Variants in RABGAP1 observed in about 807,000 individuals in gnomAD.
RABGAP1 encodes rab GTPase-activating protein 1.
Under a neutral mutation model 137.6 loss-of-function variants are expected in RABGAP1, and 23 were observed. The ratio of observed to expected loss-of-function variants is 0.17; its 90% CI spans 0.12 to 0.24. The LOEUF is 0.24. Among genes scored for constraint, RABGAP1 ranks in the 10% least tolerant of loss-of-function variants. The pLI is 1.00. For missense variants in RABGAP1, 906 were observed against 1,275.8 expected (o/e 0.71, Z 4.42); for synonymous variants, 451 against 450.7 (o/e 1.00, Z -0.01).
chr9:122,967,967 A>G (rs1588184316), intron 2 of RABGAP1, among the ~76,000 whole-genome samples: 1 of 151,996 alleles, frequency 6.6e-6, no homozygotes, highest in Non-Finnish European at 1.5e-5. Flanking sequence ...ACCTCAGGTG[A>G]TCTACCCGCC....
Position 123,074,383 on chromosome 9 carries a change from C to T in RABGAP1, c.2208C>T (p.Phe736=), listed in dbSNP as rs779584114. The T allele has an allele frequency of 2.9e-5, 47 of 1,613,244 alleles. No homozygotes were observed. Among genetic ancestry groups the T allele is most frequent in the Admixed American group, 2.2e-4 (13 of 59,984 alleles). The stretch of plus-strand genomic sequence containing the variant: ...TTCTTACTCTTTTCACTGCAAAATT[C>T]CCTCTCTACATGGTCTTCCATATCA... ...QWFLTLFTAK[F]PLYMVFHIID... is the part of the protein sequence containing the mutation. The change falls in exon 17 of 26, where the codon TTC becomes TTT. Residue 736 remains phenylalanine, a synonymous_variant. Coordinates refer to ENST00000373647, the MANE Select transcript of RABGAP1 (RefSeq NM_012197.4).
At chr9:123,100,809 GAA>G (rs1282409541) in intron 24 of RABGAP1, among the ~76,000 whole-genome samples, 1 of 152,246 alleles carries the variant, frequency 6.6e-6, no homozygotes, top group African/African-American at 2.4e-5. Flanking sequence ...GTAAATAAGG[GAA>G]AAAAGCCCTT....
chr9:122,966,869 A>G lies in RABGAP1; in HGVS notation c.150+9660A>G, dbSNP rs376259505. 1.2e-3 allele frequency among the ~76,000 whole-genome samples: 185 copies of G among 152,348 alleles called. 5 individuals are homozygous for G. The South Asian group carries it at 0.036, about 30-fold the overall frequency. On this transcript the variant is annotated intron_variant, in intron 2 of 25. Coordinates refer to ENST00000373647, the MANE Select transcript of RABGAP1 (RefSeq NM_012197.4). Reference sequence around the variant, plus strand: ...ATGTCTTACATGGATGGAAGCAGGCAAGAGAAGAGAGAGATTGTGCAGGAA... The same window carrying G: ...ATGTCTTACATGGATGGAAGCAGGCGAGAGAAGAGAGAGATTGTGCAGGAA...
chr9:122,933,608 A>G, the RABGAP1 span, among the ~76,000 whole-genome samples: 1 of 151,742 alleles, frequency 6.6e-6, no homozygotes, highest in Admixed American at 6.6e-5. Flanking sequence ...GCCTGCCACC[A>G]TGCCCAGCTA....
chr9:122,993,312 C>G (rs1415719604), intron 6 of RABGAP1, among the ~76,000 whole-genome samples: 1 of 152,068 alleles, frequency 6.6e-6, no homozygotes, highest in Non-Finnish European at 1.5e-5. Flanking sequence ...CCTCTTGTCA[C>G]TCAGGCTGGA....
intron 20 of RABGAP1, 25 bp from the exon 21 acceptor site, chr9:123,090,250 T>C: frequency 6.4e-7 from 1 of 1,555,880 alleles, no homozygotes; most frequent in Non-Finnish European, 8.8e-7. Context: ...TATGTGTCTG[T>C]AACTGGTTTC....
At chr9:123,097,666 G>A in intron 21 of RABGAP1, 75 bp from the exon 22 acceptor site, 1 of 1,251,952 alleles carries the variant, frequency 8.0e-7, no homozygotes, top group Non-Finnish European at 1.1e-6. Context: ...TCTTAAAATG[G>A]GATTATGCTA....
intron 21 of RABGAP1, 111 bp downstream of exon 21, chr9:123,090,496 C>T (rs2035002901): frequency 2.4e-6 from 2 of 821,456 alleles, no homozygotes; most frequent in Admixed American, 6.4e-5. Flanking sequence ...GTAAAGTTTC[C>T]CGCTTGTGAT....
chr9:123,094,184 T>C (rs1463513954), intron 21 of RABGAP1, among the ~76,000 whole-genome samples: 1 of 152,188 alleles, frequency 6.6e-6, no homozygotes, highest in Non-Finnish European at 1.5e-5. Context: ...TACAATCATA[T>C]CATCTCTGAA....
At chr9:122,967,554 C>G (rs1439847860) in intron 2 of RABGAP1, among the ~76,000 whole-genome samples, 2 of 152,140 alleles carry the variant, frequency 1.3e-5, no homozygotes, top group African/African-American at 4.8e-5. Flanking sequence ...AGTAAATATG[C>G]AAGTAAATCC....
rs1336939079 is a variant in RABGAP1 at position 123,089,769 on chromosome 9, G to A, written c.2436G>A (p.Lys812=). 6.2e-7 allele frequency: 1 copy of A among 1,612,608 alleles called. No individual in the cohort carries two copies. Among genetic ancestry groups the A allele is most frequent in the African/African-American group, 1.3e-5 (1 of 74,832 alleles). ...ELACNMKISQ[K]KLKKYEKEYH... The stretch of plus-strand genomic sequence containing the variant: ...GATTTATCCTACAGATTAGTCAGAA[G>A]AAGTTGAAAAAATACGAGAAAGAAT... Residue 812 remains lysine, a synonymous_variant, in exon 20 of 26, where the codon AAG becomes AAA. Transcript: ENST00000373647.
At chr9:123,099,249 C>T (rs557695245) in intron 23 of RABGAP1, among the ~76,000 whole-genome samples, 167 of 152,252 alleles carry the variant, frequency 1.1e-3, no homozygotes, top group Admixed American at 2.7e-3. Context: ...AACCATTGGC[C>T]ATTGAGTGTG....
intron 11 of RABGAP1, among the ~76,000 whole-genome samples, chr9:123,011,475 ACTTT>A (rs201853671): frequency 0.016 from 2,463 of 152,266 alleles, 65 homozygotes; most frequent in African/African-American, 0.057. Flanking sequence ...GTGAGCACTG[ACTTT>A]CTTCATGTTT....
chr9:123,060,158 TTACA>T (rs1318774607), intron 13 of RABGAP1, among the ~76,000 whole-genome samples: 1 of 152,206 alleles, frequency 6.6e-6, no homozygotes, highest in African/African-American at 2.4e-5. Context: ...GTAGTATAAT[TTACA>T]TACAATAAAC....
chr9:123,027,455 A>G (rs1255761502), intron 13 of RABGAP1, among the ~76,000 whole-genome samples: 1 of 152,224 alleles, frequency 6.6e-6, no homozygotes, highest in East Asian at 1.9e-4. Context: ...GAATCCCTGG[A>G]GGCCCAGCCA....
chr9:123,103,382 C>A lies in RABGAP1; in HGVS notation c.*169C>A. The A allele has an allele frequency of 9.8e-7, 1 of 1,019,694 alleles. No homozygotes were observed. Among genetic ancestry groups the A allele is most frequent in the Non-Finnish European group, 1.4e-6 (1 of 719,332 alleles). 63.2% of individuals were successfully genotyped at this position (1,019,694 alleles called of 1,614,324 possible). A position where few individuals can be genotyped will look rare whatever the true frequency, so the allele number is the denominator to read the frequency against. ...CCAGAGCTTGTGAAGCAGGCAACCT[C>A]TGGGGTAAGACTACTGATACTAACA... is the stretch of plus-strand genomic sequence containing the variant. On this transcript the variant is annotated 3_prime_UTR_variant, in exon 26 of 26. Coordinates refer to ENST00000373647, the MANE Select transcript of RABGAP1 (RefSeq NM_012197.4).
chr9:123,058,706 A>G (rs2033847965), intron 13 of RABGAP1, among the ~76,000 whole-genome samples: 1 of 152,246 alleles, frequency 6.6e-6, no homozygotes, highest in African/African-American at 2.4e-5. Context: ...TTTAAATAGA[A>G]TTACTTCCAA....
the RABGAP1 span, among the ~76,000 whole-genome samples, chr9:122,934,436 A>C: frequency 6.6e-6 from 1 of 152,158 alleles, no homozygotes; most frequent in Non-Finnish European, 1.5e-5. Context: ...TCTCTTGTAG[A>C]CAGCATTTAG....
intron 13 of RABGAP1, among the ~76,000 whole-genome samples, chr9:123,047,075 TA>T (rs1275952977): frequency 6.6e-6 from 1 of 152,072 alleles, no homozygotes; most frequent in African/African-American, 2.4e-5. Context: ...GCTTAGAAAA[TA>T]GGAGTTTTCA....
Sources: gnomAD v4.1 joint callset for allele counts (sites outside exome capture counted in the v4.1 genomes callset) on GRCh38, gnomAD v4.1.1 for gene constraint, MANE v1.5 for transcripts, NCBI Gene and HGNC (gene_info 2026-07-23, HGNC 2026-07-21) for gene names.